Variants in TARBP1 observed in about 807,000 individuals in gnomAD.
TARBP1 encodes the protein tRNA (guanosine(18)-2'-O)-methyltransferase TARBP1.
TARBP1 carries 144 observed loss-of-function variants against 178.6 expected under a neutral mutation model. The observed-to-expected ratio is 0.81, with a 90% CI of 0.70 to 0.93. TARBP1 has a LOEUF of 0.93. Ranked by LOEUF, TARBP1 falls within the 40% of genes least tolerant of loss-of-function variation. The probability of loss-of-function intolerance (pLI) is 0.00; values close to 1 mark genes in which losing one functional copy is unlikely to be tolerated. For missense variants in TARBP1, 2,067 were observed against 2,011.7 expected, an observed-to-expected ratio of 1.03 and a Z score of -0.53; for synonymous variants, 787 against 781.0, an observed-to-expected ratio of 1.01 and a Z score of -0.13.
intron 22 of TARBP1, among the ~76,000 whole-genome samples, chr1:234,412,460 G>A (rs1483362416): frequency 6.6e-6 from 1 of 151,786 alleles, no homozygotes; most frequent in Non-Finnish European, 1.5e-5. Flanking sequence ...AGGTGCAGTG[G>A]CTCATGACCA....
In TARBP1 at chr1:234,463,913, T is replaced by C; in HGVS notation, c.1323A>G (p.Gly441=). 1 of 1,589,490 alleles carries C rather than the reference T, an allele frequency of 6.3e-7. No individual in the cohort carries two copies. Among genetic ancestry groups the C allele is most frequent in the East Asian group, 2.3e-5 (1 of 43,910 alleles). The change falls in exon 6 of 30, where the codon GGA becomes GGG. Residue 441 remains glycine (G), a synonymous_variant. Transcript: ENST00000040877. ...ATTTCAGTCCCAATGGAGAACAGCTTCCTATTGGCTGGCCTGGGGACCTAC... is the reference window on the plus strand; with the variant it reads ...ATTTCAGTCCCAATGGAGAACAGCTCCCTATTGGCTGGCCTGGGGACCTAC... ...LYSRSPGQPI[G]SCSPLGLKLQ...
chr1:234,447,390 C>T (rs1441022743), intron 11 of TARBP1, among the ~76,000 whole-genome samples: 1 of 123,308 alleles, frequency 8.1e-6, no homozygotes. Flanking sequence ...AAACTGTTAA[C>T]CAACTTTTTT....
At chr1:234,443,716 C>T (rs1558215537) in intron 12 of TARBP1, among the ~76,000 whole-genome samples, 1 of 152,186 alleles carries the variant, frequency 6.6e-6, no homozygotes, top group Non-Finnish European at 1.5e-5. Flanking sequence ...TGTTCATCAA[C>T]AGATGAATGG....
At chr1:234,418,792 C>G (rs1662718477) in intron 21 of TARBP1, among the ~76,000 whole-genome samples, 1 of 152,234 alleles carries the variant, frequency 6.6e-6, no homozygotes, top group Non-Finnish European at 1.5e-5. Context: ...TCCAACCTCT[C>G]CTCTTCAAAA....
At chr1:234,433,667 CACA>C (rs1286073405) in intron 13 of TARBP1, 96 bp from the exon 14 acceptor site, 2 of 1,116,204 alleles carry the variant, frequency 1.8e-6, no homozygotes, top group Non-Finnish European at 2.6e-6. Flanking sequence ...CTTAAAGGAC[CACA>C]ACAAGACACT....
chr1:234,415,365 G>C (rs1444217427), intron 22 of TARBP1, among the ~76,000 whole-genome samples: 1 of 152,198 alleles, frequency 6.6e-6, no homozygotes, highest in African/African-American at 2.4e-5. Flanking sequence ...TTGCTCTAGA[G>C]AAGATTTAGG....
intron 26 of TARBP1, among the ~76,000 whole-genome samples, chr1:234,395,331 G>T (rs1659817547): frequency 6.6e-6 from 1 of 152,190 alleles, no homozygotes; most frequent in African/African-American, 2.4e-5. Flanking sequence ...TCTTTTAATA[G>T]CTATGTGGAG....
In TARBP1 at chr1:234,479,151, G is replaced by C. The variant is rs762655222; in HGVS notation, c.-48C>G. 12 of 1,461,526 alleles carry C rather than the reference G, an allele frequency of 8.2e-6. No individual in the cohort carries two copies. The South Asian group carries it at 1.6e-4, about 20-fold the overall frequency. 90.5% of individuals were successfully genotyped at this position (1,461,526 alleles called of 1,614,324 possible). A position where few individuals can be genotyped will look rare whatever the true frequency, so the allele number is the denominator to read the frequency against. ...GCCCGGGCTCCCAAAGGAAGGCGCC[G>C]GCGTGTGCGATGCGTGCGCACAGGA... On this transcript the variant is annotated 5_prime_UTR_variant, in exon 1 of 30. Transcript: ENST00000040877.
chr1:234,422,681 A>C (rs980407927), intron 20 of TARBP1, among the ~76,000 whole-genome samples: 1 of 152,328 alleles, frequency 6.6e-6, no homozygotes, highest in Middle Eastern at 3.4e-3. Flanking sequence ...TCATAGTATA[A>C]CAAGGTGGCT....
chr1:234,454,806 A>C (rs1160347555), intron 9 of TARBP1, among the ~76,000 whole-genome samples: 1 of 152,184 alleles, frequency 6.6e-6, no homozygotes. Flanking sequence ...CGAGGTCCTA[A>C]TCCCGGAACC....
chr1:234,468,838 G>A (rs1668729106), intron 3 of TARBP1, among the ~76,000 whole-genome samples: 1 of 151,582 alleles, frequency 6.6e-6, no homozygotes. Flanking sequence ...TTCTCAGCCT[G>A]GACTCTTAGC....
intron 20 of TARBP1, among the ~76,000 whole-genome samples, chr1:234,421,442 G>A (rs1044082452): frequency 1.3e-5 from 2 of 152,094 alleles, no homozygotes; most frequent in African/African-American, 4.8e-5. Flanking sequence ...TGGGTTCCAG[G>A]GGCGAAAAGA....
intron 14 of TARBP1, among the ~76,000 whole-genome samples, chr1:234,431,111 TGA>T (rs1558196647): frequency 6.6e-6 from 1 of 152,184 alleles, no homozygotes; most frequent in East Asian, 1.9e-4. Flanking sequence ...ACAACAGCAC[TGA>T]GAGATTACAG....
chr1:234,453,436 C>T (rs190576766), intron 9 of TARBP1, among the ~76,000 whole-genome samples: 33 of 151,550 alleles, frequency 2.2e-4, no homozygotes, highest in Admixed American at 1.6e-3. Flanking sequence ...GTGATCTGCC[C>T]GCCTCTGCCT....
intron 1 of TARBP1, among the ~76,000 whole-genome samples, chr1:234,475,778 G>A (rs1301579812): frequency 1.3e-5 from 2 of 152,234 alleles, no homozygotes; most frequent in African/African-American, 4.8e-5. Flanking sequence ...ACGAAGCCTT[G>A]GCTGAAGACC....
rs772549070 is a variant in TARBP1, at chr1:234,472,770, G to A, written c.973C>T (p.Leu325Phe). 2 of 1,603,940 alleles carry A rather than the reference G, an allele frequency of 1.2e-6. No individual in the cohort carries two copies. Among genetic ancestry groups the A allele is most frequent in the Admixed American group, 3.5e-5 (2 of 57,512 alleles). ...FWWSERKKDE[L>F]LKFWENYILI... Reference sequence around the variant, plus strand: ...ATATAATTTTCCCAAAACTTTAGAAGCTCATCTTTTTTCCTCTCAGACCAC... The same window carrying A: ...ATATAATTTTCCCAAAACTTTAGAAACTCATCTTTTTTCCTCTCAGACCAC... The change falls in exon 2 of 30, where the codon CTT (leucine) becomes TTT (phenylalanine). Residue 325 changes from leucine to phenylalanine, a missense_variant. Leu to Phe is a conservative substitution (Grantham distance 22). Coordinates refer to ENST00000040877, the MANE Select transcript of TARBP1 (RefSeq NM_005646.4).
intron 27 of TARBP1, 60 bp from the exon 28 acceptor site, chr1:234,393,546 T>A: frequency 1.3e-6 from 2 of 1,571,698 alleles, no homozygotes; most frequent in East Asian, 2.3e-5. Flanking sequence ...GCTCATCATG[T>A]CGCATACATT....
intron 14 of TARBP1, among the ~76,000 whole-genome samples, chr1:234,430,543 A>G (rs1282397160): frequency 2.0e-5 from 3 of 152,184 alleles, no homozygotes; most frequent in Admixed American, 2.0e-4. Flanking sequence ...TAAGACAACA[A>G]TGGGATCTTT....
Position 234,461,421 on chromosome 1 carries a change from C to T in TARBP1, c.1400-1025G>A, listed in dbSNP as rs1026931790. ...CTCCTGGGTTCAAGTGATTCTCCTGCCTCAGCCTCCTGAGTAGCTGGGATT... is the reference window on the plus strand; with the variant it reads ...CTCCTGGGTTCAAGTGATTCTCCTGTCTCAGCCTCCTGAGTAGCTGGGATT... On this transcript the variant is annotated intron_variant, in intron 6 of 29. Coordinates refer to ENST00000040877, the MANE Select transcript of TARBP1 (RefSeq NM_005646.4). 2.6e-5 allele frequency among the ~76,000 whole-genome samples: 4 copies of T among 152,188 alleles called. No individual in the cohort carries two copies. In the South Asian group the frequency reaches 6.2e-4, roughly 24 times the overall value.
Sources: allele counts gnomAD v4.1 joint callset (sites outside exome capture counted in the v4.1 genomes callset), GRCh38; gene constraint gnomAD v4.1.1; transcripts MANE v1.5; gene names NCBI Gene and HGNC (gene_info 2026-07-23, HGNC 2026-07-21).